The following RASEF variants were observed in gnomAD, a reference collection of about 807,000 sequenced individuals.
The protein encoded by RASEF is RAS and EF-hand domain containing, also known as ras and EF-hand domain-containing protein.
In RASEF, 68 loss-of-function variants were observed where a neutral mutation model predicts 90.1. The observed-to-expected ratio is 0.75, with a 90% CI of 0.62 to 0.92. The LOEUF is 0.92. RASEF is among the 40% of genes least tolerant of loss of function. The pLI is 0.00. For missense variants in RASEF, 949 were observed against 937.2 expected (o/e 1.01, Z -0.16); for synonymous variants, 331 against 345.2 (o/e 0.96, Z 0.46).
chr9:83,144,457 GAGAAGAGAAAAGAAA>G, the RASEF span, among the ~76,000 whole-genome samples: 15 of 145,344 alleles, frequency 1.0e-4, no homozygotes, highest in African/African-American at 3.3e-4. Flanking sequence ...GAAAAGAAAA[GAGAAGAGAAAAGAAA>G]AGAAGAGAAA....
At chr9:83,110,932 T>C in the RASEF span, among the ~76,000 whole-genome samples, 1 of 151,874 alleles carries the variant, frequency 6.6e-6, no homozygotes, top group Admixed American at 6.6e-5. Context: ...AACATGAATT[T>C]ACATGAAAAA....
the RASEF span, among the ~76,000 whole-genome samples, chr9:83,099,917 A>G: frequency 1.3e-5 from 2 of 152,238 alleles, no homozygotes; most frequent in Admixed American, 6.5e-5. Context: ...ATGGTGATAC[A>G]GCACTTATGA....
chr9:83,154,102 TAA>T, the RASEF span, among the ~76,000 whole-genome samples: 1 of 152,190 alleles, frequency 6.6e-6, no homozygotes, highest in East Asian at 1.9e-4. Context: ...AGCTGGAAAG[TAA>T]AGAGTAAATT....
chr9:83,004,546 C>T lies in RASEF; in HGVS notation c.1154G>A (p.Ser385Asn), dbSNP rs1246457496. ...NISPGNTISR[S>N]SPKFIGHSPQ... is the part of the protein sequence containing the mutation. ...GGAATGACCAATGAATTTGGGACTGCTTCTAGAAATTGTATTCCCTGGTGA... is the reference window on the plus strand; with the variant it reads ...GGAATGACCAATGAATTTGGGACTGTTTCTAGAAATTGTATTCCCTGGTGA... The change falls in exon 9 of 17, where the codon AGC becomes AAC. Residue 385 changes from serine (S) to asparagine (N), a missense_variant. Around this residue, in one of 3 missense-constraint regions of RASEF, gnomAD observed 656 missense variants for 592.2 expected, o/e 1.11. Coordinates refer to ENST00000376447, the MANE Select transcript of RASEF (RefSeq NM_152573.4). The T allele has an allele frequency of 3.7e-6, 6 of 1,601,898 alleles. No individual in the cohort carries two copies. The African/African-American group carries it at 8.0e-5, about 21-fold the overall frequency.
the RASEF span, among the ~76,000 whole-genome samples, chr9:83,141,466 G>T: frequency 6.6e-6 from 1 of 152,184 alleles, no homozygotes; most frequent in Non-Finnish European, 1.5e-5. Flanking sequence ...GAAAAGGCGA[G>T]ACTTCTGGCT....
the RASEF span, among the ~76,000 whole-genome samples, chr9:83,205,605 C>T: frequency 6.6e-6 from 1 of 152,070 alleles, no homozygotes; most frequent in Non-Finnish European, 1.5e-5. Flanking sequence ...CCCTCTCTTG[C>T]TCCCCAGGCA....
chr9:83,205,779 A>C, the RASEF span, among the ~76,000 whole-genome samples: 1 of 152,330 alleles, frequency 6.6e-6, no homozygotes, highest in South Asian at 2.1e-4. Context: ...CCAATGTTGA[A>C]ATGTTTAAAT....
chr9:83,062,541 C>A lies in RASEF; in HGVS notation c.327G>T (p.Glu109Asp). ...AGGTGGCCAGCGCCGCCGCCGCGTC[C>A]TCGTCGCCTTCGTCCTCCTCGCTGT... ...THDSEEDEGDEDAAAALATSC... is the reference protein window; with the variant it reads ...THDSEEDEGDDDAAAALATSC... Residue 109 changes from glutamate to aspartate, a missense_variant, in exon 1 of 17, where the codon GAG (glutamate) becomes GAT (aspartate). By Grantham distance (45) the Glu-to-Asp change is conservative. Transcript: ENST00000376447. 6.2e-7 allele frequency: 1 copy of A among 1,606,200 alleles called. No individual in the cohort carries two copies.
chr9:83,047,276 AAAAAAGAAAAAACG>A (rs1331043411), intron 1 of RASEF, among the ~76,000 whole-genome samples: 12 of 152,186 alleles, frequency 7.9e-5, no homozygotes, highest in African/African-American at 2.9e-4. Flanking sequence ...AAACAAAACA[AAAAAAGAAAAAACG>A]AAAAAGAAAA....
At chr9:83,086,981 G>A in the RASEF span, among the ~76,000 whole-genome samples, 1 of 152,146 alleles carries the variant, frequency 6.6e-6, no homozygotes, top group African/African-American at 2.4e-5. Flanking sequence ...AGGAGTTGGG[G>A]ATCATTGGGG....
chr9:83,161,924 C>G, the RASEF span, among the ~76,000 whole-genome samples: 183 of 152,180 alleles, frequency 1.2e-3, no homozygotes, highest in African/African-American at 3.8e-3. Context: ...ACTTCACCTT[C>G]CACCATGATT....
At chr9:83,081,873 G>C in the RASEF span, among the ~76,000 whole-genome samples, 1 of 152,110 alleles carries the variant, frequency 6.6e-6, no homozygotes, top group African/African-American at 2.4e-5. Context: ...CAATGTAACT[G>C]GTTTTGAATT....
chr9:83,101,754 A>C, the RASEF span, among the ~76,000 whole-genome samples: 1 of 152,212 alleles, frequency 6.6e-6, no homozygotes, highest in Admixed American at 6.5e-5. Flanking sequence ...AAAACAGTTA[A>C]GTTCTTGCTA....
At chr9:83,134,180 C>G in the RASEF span, among the ~76,000 whole-genome samples, 1 of 152,104 alleles carries the variant, frequency 6.6e-6, no homozygotes, top group Non-Finnish European at 1.5e-5. Context: ...GATCCCTCTT[C>G]TCTCCCTCCC....
the RASEF span, among the ~76,000 whole-genome samples, chr9:83,159,976 G>A: frequency 1.3e-5 from 2 of 152,220 alleles, no homozygotes; most frequent in Admixed American, 1.3e-4. Context: ...TTGCTGCCAA[G>A]TGAGATGTGC....
the RASEF span, among the ~76,000 whole-genome samples, chr9:83,134,165 T>G: frequency 0.016 from 2,426 of 152,198 alleles, 31 homozygotes; most frequent in Non-Finnish European, 0.027. Flanking sequence ...ACATCCAGAC[T>G]TTCTGATCCC....
chr9:83,055,316 G>A (rs544846920), intron 1 of RASEF: 10 of 379,954 alleles, frequency 2.6e-5, no homozygotes, highest in East Asian at 6.0e-5. Context: ...TTCCAGGTGC[G>A]TCCGTCACCC....
At chr9:83,181,066 C>T in the RASEF span, among the ~76,000 whole-genome samples, 1 of 150,368 alleles carries the variant, frequency 6.7e-6, no homozygotes, top group South Asian at 2.1e-4. Flanking sequence ...AATTATTAGG[C>T]ACCCCTTTTA....
chr9:83,123,342 G>A, the RASEF span, among the ~76,000 whole-genome samples: 1 of 151,702 alleles, frequency 6.6e-6, no homozygotes, highest in African/African-American at 2.4e-5. Flanking sequence ...TCCCTCTGTA[G>A]GTGACTACTG....
Sources: allele counts gnomAD v4.1 joint callset (sites outside exome capture counted in the v4.1 genomes callset), GRCh38; gene constraint gnomAD v4.1.1; regional missense constraint gnomAD v4.1.1; transcripts MANE v1.5; gene names NCBI Gene and HGNC (gene_info 2026-07-23, HGNC 2026-07-21).